LNPK: variants seen among roughly 807,000 people sequenced by gnomAD.
LNPK encodes endoplasmic reticulum junction formation protein lunapark.
Under a neutral mutation model 55.2 loss-of-function variants are expected in LNPK, and 29 were observed. The observed-to-expected ratio is 0.53, with a 90% CI of 0.39 to 0.72. LNPK has a LOEUF of 0.72. Among genes scored for constraint, LNPK ranks in the 30% least tolerant of loss-of-function variants. The pLI is 0.00. For synonymous variants in LNPK, 162 were observed against 168.2 expected (o/e 0.96, Z 0.29); for missense variants, 467 against 494.8 (o/e 0.94, Z 0.53).
At chr2:175,979,727 T>C (rs1574881503) in intron 5 of LNPK, 83 bp downstream of exon 5, 1 of 1,173,108 alleles carries the variant, frequency 8.5e-7, no homozygotes, top group Non-Finnish European at 1.2e-6. Flanking sequence ...CATTCCAATA[T>C]CATATTTTAC....
chr2:175,996,055 T>C (rs1687919611), intron 1 of LNPK, among the ~76,000 whole-genome samples: 1 of 152,054 alleles, frequency 6.6e-6, no homozygotes, highest in South Asian at 2.1e-4. Context: ...TCAAGTGATC[T>C]GCCCGCCTTG....
chr2:175,966,554 C>T (rs1373393325), intron 6 of LNPK, among the ~76,000 whole-genome samples: 1 of 152,122 alleles, frequency 6.6e-6, no homozygotes. Flanking sequence ...AGCAAGTATT[C>T]AAGTGTATCT....
chr2:175,945,373 T>C (rs575593120), intron 9 of LNPK, among the ~76,000 whole-genome samples: 1 of 151,422 alleles, frequency 6.6e-6, no homozygotes, highest in South Asian at 2.1e-4. Context: ...GGCCTGGTGG[T>C]GCCCACCTGT....
chr2:175,977,750 TAAC>T (rs1472859010), intron 5 of LNPK, among the ~76,000 whole-genome samples: 1 of 152,114 alleles, frequency 6.6e-6, no homozygotes. Context: ...AAAGAAGAGA[TAAC>T]AACTACAAAT....
intron 1 of LNPK, among the ~76,000 whole-genome samples, chr2:175,999,568 T>C (rs933707297): frequency 3.3e-5 from 5 of 152,230 alleles, no homozygotes; most frequent in East Asian, 1.9e-4. Flanking sequence ...GGAAAATACA[T>C]GGGAACCGAA....
At chr2:175,975,202 T>C (rs1255639533) in intron 5 of LNPK, among the ~76,000 whole-genome samples, 1 of 152,140 alleles carries the variant, frequency 6.6e-6, no homozygotes, top group Non-Finnish European at 1.5e-5. Flanking sequence ...TCATACTTAA[T>C]GGTAAAATAT....
At chr2:176,000,693 TA>T (rs1175378251) in intron 1 of LNPK, among the ~76,000 whole-genome samples, 1 of 152,200 alleles carries the variant, frequency 6.6e-6, no homozygotes, top group Non-Finnish European at 1.5e-5. Context: ...ATAAGCTATT[TA>T]ATCACCATCA....
upstream of LNPK, chr2:176,002,362 G>A: frequency 2.6e-6 from 1 of 383,856 alleles, no homozygotes. Flanking sequence ...TCACGTGACC[G>A]TACCCTGGGC....
intron 12 of LNPK, among the ~76,000 whole-genome samples, chr2:175,931,871 T>C (rs1684295141): frequency 1.3e-5 from 2 of 152,168 alleles, no homozygotes; most frequent in Admixed American, 1.3e-4. Flanking sequence ...CGTGGAAAAC[T>C]TCAGGAGTCA....
In LNPK at chr2:175,954,070, C is replaced by G. The variant is rs996623936; in HGVS notation, c.494-6378G>C. Among the ~76,000 whole-genome samples the G allele has an allele frequency of 5.3e-5, 8 of 152,258 alleles. No individual in the cohort carries two copies. In the South Asian group the frequency reaches 1.7e-3, roughly 32 times the overall value. On this transcript the variant is annotated intron_variant, in intron 8 of 12. Transcript: ENST00000272748. ...GAGTACTTTTTCAATCCTATTCTCA[C>G]AGCAAATTATTATTAAAAGTTATAA...
intron 4 of LNPK, among the ~76,000 whole-genome samples, chr2:175,983,737 A>G (rs1280251047): frequency 1.3e-5 from 2 of 152,160 alleles, no homozygotes; most frequent in Non-Finnish European, 2.9e-5. Context: ...GGTTGTGATC[A>G]TAAAACCCCA....
chr2:175,944,591 T>C (rs1028811140), intron 9 of LNPK, among the ~76,000 whole-genome samples: 1 of 151,988 alleles, frequency 6.6e-6, no homozygotes, highest in Non-Finnish European at 1.5e-5. Flanking sequence ...AGAATGAACA[T>C]GATAAGGTGG....
chr2:175,955,843 A>C (rs185809751), intron 8 of LNPK, among the ~76,000 whole-genome samples: 1 of 152,356 alleles, frequency 6.6e-6, no homozygotes, highest in East Asian at 1.9e-4. Flanking sequence ...CTGCAAAAAT[A>C]ACTGATTTTG....
intron 8 of LNPK, among the ~76,000 whole-genome samples, chr2:175,960,024 T>C (rs1477092114): frequency 6.6e-6 from 1 of 152,136 alleles, no homozygotes; most frequent in Non-Finnish European, 1.5e-5. Context: ...ATCCTAAATA[T>C]ATATGCACCC....
intron 6 of LNPK, among the ~76,000 whole-genome samples, chr2:175,968,282 T>C (rs1686474218): frequency 6.6e-6 from 1 of 152,222 alleles, no homozygotes; most frequent in Admixed American, 6.5e-5. Flanking sequence ...TTTCCTCATG[T>C]TCCCAATTTC....
chr2:175,982,596 T>C (rs576309671), intron 4 of LNPK, among the ~76,000 whole-genome samples: 2 of 152,210 alleles, frequency 1.3e-5, no homozygotes, highest in Non-Finnish European at 2.9e-5. Flanking sequence ...GATCTCACCA[T>C]GTTGCCCAGA....
At chr2:175,974,321 G>A (rs1027281666) in intron 5 of LNPK, among the ~76,000 whole-genome samples, 1 of 152,094 alleles carries the variant, frequency 6.6e-6, no homozygotes, top group Non-Finnish European at 1.5e-5. Context: ...AAATAAAATT[G>A]TCACAGTACA....
rs1349172573 is a variant in LNPK, at chr2:175,924,704, AAAAC to A, written c.*5259_*5262del. ...AAAAAAACAAAACAAACAAAAAAAA[AAAAC>A]AAAGAAGAAGTTTATTTGGCTTACA... On this transcript the variant is annotated 3_prime_UTR_variant, in exon 13 of 13. Coordinates refer to ENST00000272748, the MANE Select transcript of LNPK (RefSeq NM_030650.3). 6.6e-6 allele frequency: 1 copy of A among 152,268 alleles called. No individual in the cohort carries two copies. The highest frequency in any genetic ancestry group is 2.4e-5 in the African/African-American group (1 of 41,274). The allele number at this position is 152,268 out of a possible 1,614,324, so 9.4% of individuals were successfully genotyped here. A position where few individuals can be genotyped will look rare whatever the true frequency, so the allele number is the denominator to read the frequency against.
intron 8 of LNPK, among the ~76,000 whole-genome samples, chr2:175,952,613 G>C (rs1315612530): frequency 1.3e-5 from 2 of 150,926 alleles, no homozygotes; most frequent in East Asian, 3.9e-4. Flanking sequence ...TATTCAAATT[G>C]TACTCTCAAT....
Sources: gnomAD v4.1 joint callset for allele counts (sites outside exome capture counted in the v4.1 genomes callset) on GRCh38, gnomAD v4.1.1 for gene constraint, MANE v1.5 for transcripts, NCBI Gene and HGNC (gene_info 2026-07-23, HGNC 2026-07-21) for gene names.